Variants in MBNL1 observed in about 807,000 individuals in gnomAD.
MBNL1 encodes the protein muscleblind-like protein 1.
Under a neutral mutation model 42.2 loss-of-function variants are expected in MBNL1, and 8 were observed. The observed-to-expected ratio is 0.19, with a 90% CI of 0.11 to 0.34. The LOEUF is 0.34. Ranked by LOEUF, MBNL1 falls within the 10% of genes least tolerant of loss-of-function variation. The pLI, the probability that MBNL1 is intolerant of heterozygous loss-of-function variation, is 1.00. For synonymous variants in MBNL1, 169 were observed against 173.9 expected, an observed-to-expected ratio of 0.97 and a Z score of 0.22; for missense variants, 309 against 495.3, an observed-to-expected ratio of 0.62 and a Z score of 3.57.
At chr3:152,362,301 C>T (rs2096026561) in intron 2 of MBNL1, among the ~76,000 whole-genome samples, 1 of 152,192 alleles carries the variant, frequency 6.6e-6, no homozygotes, top group Non-Finnish European at 1.5e-5. Flanking sequence ...CTGGCAGGAT[C>T]AGCAGGCTGC....
intron 3 of MBNL1, among the ~76,000 whole-genome samples, chr3:152,425,942 C>A (rs1476373110): frequency 6.6e-6 from 1 of 152,144 alleles, no homozygotes; most frequent in African/African-American, 2.4e-5. Flanking sequence ...GACTTGGAAC[C>A]AACCCAAATG....
At chr3:152,398,545 G>A (rs962348669) in intron 2 of MBNL1, among the ~76,000 whole-genome samples, 1 of 152,150 alleles carries the variant, frequency 6.6e-6, no homozygotes, top group Non-Finnish European at 1.5e-5. Flanking sequence ...AAGGAGTAAA[G>A]TGGGAGATTA....
chr3:152,266,154 GGACTCGAGTTATA>G (rs1441092373), upstream of MBNL1: 2 of 152,080 alleles, frequency 1.3e-5, no homozygotes, highest in Non-Finnish European at 2.9e-5. Flanking sequence ...CAATTTATTT[GGACTCGAGTTATA>G]GATTGACCAT....
At position 152,464,315 on chromosome 3, in the gene MBNL1, CTAAA is replaced by C. The variant is rs1234822200; in HGVS notation, c.*1951_*1954del. ...GTCACATGAATATTCGTATTGTTAA[CTAAA>C]TGATTTATATTTTACTGATTTAATA... On this transcript the variant is annotated 3_prime_UTR_variant, in exon 10 of 10. Coordinates refer to ENST00000324210, the MANE Select transcript of MBNL1 (RefSeq NM_021038.5). 1 of 152,444 alleles carries C rather than the reference CTAAA, an allele frequency of 6.6e-6. No individual in the cohort carries two copies. Among genetic ancestry groups the C allele is most frequent in the Non-Finnish European group, 1.5e-5 (1 of 67,980 alleles). The allele number at this position is 152,444 out of a possible 1,614,324, so 9.4% of individuals were successfully genotyped here.
At chr3:152,268,629 C>T (rs1476958249), upstream of MBNL1, 1 of 406,352 alleles carries the variant, frequency 2.5e-6, no homozygotes, top group Admixed American at 3.0e-5. Context: ...AACGGGAGGC[C>T]GAGGGGATCC....
At chr3:152,306,166 G>A (rs1337805863) in intron 2 of MBNL1, among the ~76,000 whole-genome samples, 3 of 152,074 alleles carry the variant, frequency 2.0e-5, no homozygotes, top group Admixed American at 6.5e-5. Context: ...TATTGGTTCC[G>A]ATCTTAAATA....
intron 2 of MBNL1, chr3:152,262,806 C>A: frequency 6.6e-6 from 1 of 152,228 alleles, no homozygotes; most frequent in East Asian, 1.9e-4. Flanking sequence ...AAGTGTTTTA[C>A]AATATTACAT....
chr3:152,258,926 G>T (rs1418773085), intron 2 of MBNL1, among the ~76,000 whole-genome samples: 1 of 152,148 alleles, frequency 6.6e-6, no homozygotes, highest in Non-Finnish European at 1.5e-5. Context: ...GTGTCCACGT[G>T]GGCTTCTTGG....
intron 2 of MBNL1, among the ~76,000 whole-genome samples, chr3:152,322,310 T>C (rs569455444): frequency 6.6e-6 from 1 of 152,196 alleles, no homozygotes; most frequent in African/African-American, 2.4e-5. Flanking sequence ...CCAGCGTTCA[T>C]AGCTCCTGAC....
intron 2 of MBNL1, among the ~76,000 whole-genome samples, chr3:152,329,932 A>G (rs1239704916): frequency 6.6e-6 from 1 of 151,870 alleles, no homozygotes; most frequent in Non-Finnish European, 1.5e-5. Flanking sequence ...ATTTCTATGA[A>G]TTCTCTAAAA....
intron 2 of MBNL1, among the ~76,000 whole-genome samples, chr3:152,327,356 T>G (rs1284260230): frequency 6.6e-6 from 1 of 152,060 alleles, no homozygotes; most frequent in African/African-American, 2.4e-5. Flanking sequence ...TTTCTTTCTT[T>G]TTTTTTATTT....
chr3:152,458,113 T>C (rs1372837009), intron 8 of MBNL1: 1 of 1,612,788 alleles, frequency 6.2e-7, no homozygotes, highest in African/African-American at 1.3e-5. Context: ...TTGAAGGTCC[T>C]TGGTATGTTT....
chr3:152,299,628 A>G lies in MBNL1; in HGVS notation c.-566A>G. 1 of 398,776 alleles carries G rather than the reference A, an allele frequency of 2.5e-6. No individual in the cohort carries two copies. Among genetic ancestry groups the G allele is most frequent in the South Asian group, 1.3e-4 (1 of 7,860 alleles). The allele number at this position is 398,776 out of a possible 1,614,324, so 24.7% of individuals were successfully genotyped here. A position where few individuals can be genotyped will look rare whatever the true frequency, so the allele number is the denominator to read the frequency against. ...TAGTGTTAAAAGAAAAGTTTGCTGA[A>G]AAAGTAAGATATCTTCTGCCAGGAA... is the stretch of plus-strand genomic sequence containing the variant. On this transcript the variant is annotated 5_prime_UTR_variant, in exon 2 of 10. Coordinates refer to ENST00000324210, the MANE Select transcript of MBNL1 (RefSeq NM_021038.5).
chr3:152,412,660 A>C (rs1217890543), intron 2 of MBNL1, among the ~76,000 whole-genome samples: 1 of 152,162 alleles, frequency 6.6e-6, no homozygotes, highest in African/African-American at 2.4e-5. Context: ...ATATACGTAT[A>C]CCAAACACAC....
intron 2 of MBNL1, among the ~76,000 whole-genome samples, chr3:152,375,835 C>T (rs536480823): frequency 1.3e-5 from 2 of 151,652 alleles, no homozygotes; most frequent in East Asian, 3.9e-4. Flanking sequence ...AAAAAAAAGA[C>T]TGAGTACTTA....
intron 1 of MBNL1, among the ~76,000 whole-genome samples, chr3:152,273,903 G>A (rs985385613): frequency 2.0e-5 from 3 of 152,056 alleles, no homozygotes; most frequent in Non-Finnish European, 4.4e-5. Context: ...TGTATGTAAC[G>A]CATGCATGAG....
intron 6 of MBNL1, among the ~76,000 whole-genome samples, chr3:152,448,854 G>T (rs185928047): frequency 6.6e-6 from 1 of 151,982 alleles, no homozygotes; most frequent in African/African-American, 2.4e-5. Context: ...AAATAAATAC[G>T]AAGTAACAAT....
At chr3:152,452,292 A>G (rs1724889699) in intron 6 of MBNL1, among the ~76,000 whole-genome samples, 2 of 152,090 alleles carry the variant, frequency 1.3e-5, no homozygotes, top group Non-Finnish European at 2.9e-5. Flanking sequence ...CCTTTACACC[A>G]TTTCTTTTTT....
At chr3:152,440,625 A>G (rs1306019544) in intron 4 of MBNL1, among the ~76,000 whole-genome samples, 1 of 152,154 alleles carries the variant, frequency 6.6e-6, no homozygotes, top group Non-Finnish European at 1.5e-5. Flanking sequence ...CATATCACCA[A>G]CTGAAACTAG....
Sources: gnomAD v4.1 joint callset for allele counts (sites outside exome capture counted in the v4.1 genomes callset) on GRCh38, gnomAD v4.1.1 for gene constraint, MANE v1.5 for transcripts, NCBI Gene and HGNC (gene_info 2026-07-23, HGNC 2026-07-21) for gene names.